Variants in RTN1 observed in about 807,000 individuals in gnomAD.
RTN1 encodes reticulon 1.
A neutral mutation model predicts 65.5 loss-of-function variants in RTN1; 25 were observed. That is an observed-to-expected ratio of 0.38 (90% CI 0.28 to 0.53). The LOEUF (loss-of-function observed/expected upper bound fraction) is 0.53, where lower values mean the gene tolerates loss of function less well. RTN1 is among the 20% of genes least tolerant of loss of function. RTN1 has a pLI of 0.79. For synonymous variants in RTN1, 471 were observed against 447.6 expected (o/e 1.05, Z -0.66); for missense variants, 983 against 1,025.4 (o/e 0.96, Z 0.57).
rs115908183 is a variant in RTN1 at position 59,686,835 on chromosome 14, T to C, written c.1765+40084A>G. On this transcript the variant is annotated intron_variant, in intron 3 of 8. Transcript: ENST00000267484. ...ACGCTGGGAAAAGCTGCAGACATTTTCTGAGGCCTGGAACCAAGAACAGGA... is the reference window on the plus strand; with the variant it reads ...ACGCTGGGAAAAGCTGCAGACATTTCCTGAGGCCTGGAACCAAGAACAGGA... 2.9e-3 allele frequency among the ~76,000 whole-genome samples: 447 copies of C among 152,280 alleles called. 1 individual carries two copies. Among genetic ancestry groups the C allele is most frequent in the African/African-American group, 0.011 (438 of 41,556 alleles).
At position 59,727,160 on chromosome 14, in the gene RTN1, C is replaced by G; in HGVS notation, c.1524G>C (p.Glu508Asp). The change falls in exon 3 of 9, where the codon GAG becomes GAC. Residue 508 changes from glutamate (E) to aspartate (D), a missense_variant. Physicochemically the swap from Glu to Asp is conservative, Grantham distance 45. This residue lies in a region of RTN1 where 818 missense variants were observed against 801.8 expected (regional missense o/e 1.02). Transcript: ENST00000267484. The surrounding 1 kb of genome is among the most constrained non-coding windows in gnomAD (Gnocchi z 4.2). ...IREETGVRAE[E>D]RAPSRRGLAE... is the part of the protein sequence containing the mutation. ...CCAGGCCCCGCCGGCTTGGCGCACGCTCCTCGGCCCGGACGCCAGTCTCCT... is the reference window on the plus strand; with the variant it reads ...CCAGGCCCCGCCGGCTTGGCGCACGGTCCTCGGCCCGGACGCCAGTCTCCT... 6.3e-7 allele frequency: 1 copy of G among 1,594,334 alleles called. No individual in the cohort carries two copies. Among genetic ancestry groups the G allele is most frequent in the Non-Finnish European group, 8.5e-7 (1 of 1,170,396 alleles).
intron 1 of RTN1, among the ~76,000 whole-genome samples, chr14:59,753,319 G>A (rs1160564731): frequency 6.6e-6 from 1 of 152,138 alleles, no homozygotes; most frequent in Non-Finnish European, 1.5e-5. Context: ...AAATTGGAAG[G>A]ACCCCTTTAC....
chr14:59,633,520 T>C (rs1275927290), intron 3 of RTN1, among the ~76,000 whole-genome samples: 1 of 152,240 alleles, frequency 6.6e-6, no homozygotes, highest in Non-Finnish European at 1.5e-5. Flanking sequence ...GCACAACTGC[T>C]CACACAGTAT....
At chr14:59,608,846 C>T (rs1881850100) in intron 3 of RTN1, among the ~76,000 whole-genome samples, 1 of 152,060 alleles carries the variant, frequency 6.6e-6, no homozygotes, top group Non-Finnish European at 1.5e-5. Context: ...GGGGGTGAAA[C>T]AGATCTTTTT....
chr14:59,801,237 T>C (rs542635343), intron 1 of RTN1, among the ~76,000 whole-genome samples: 2 of 152,256 alleles, frequency 1.3e-5, no homozygotes, highest in South Asian at 4.1e-4. Flanking sequence ...AAATCACTGA[T>C]TCAAGAACCC....
In RTN1 at chr14:59,613,929, G is replaced by A. The variant is rs571465024; in HGVS notation, c.1766-6437C>T. Among the ~76,000 whole-genome samples, 5 of 152,202 alleles carry A rather than the reference G, an allele frequency of 3.3e-5. No homozygotes were observed. In the South Asian group the frequency reaches 1.0e-3, roughly 32 times the overall value. On this transcript the variant is annotated intron_variant, in intron 3 of 8. Coordinates refer to ENST00000267484, the MANE Select transcript of RTN1 (RefSeq NM_021136.3). ...TTATCTGATGGTTTTGAGTTTTGGG[G>A]GTATCAGAAATTACTTCGTATTATG... is the stretch of plus-strand genomic sequence containing the variant.
chr14:59,805,677 G>T (rs940414748), intron 1 of RTN1, among the ~76,000 whole-genome samples: 1 of 152,090 alleles, frequency 6.6e-6, no homozygotes, highest in Admixed American at 6.5e-5. Flanking sequence ...TGTCAAAAAA[G>T]TTTCTTTCAT....
At chr14:59,768,323 AC>A (rs933006557) in intron 1 of RTN1, among the ~76,000 whole-genome samples, 1 of 152,230 alleles carries the variant, frequency 6.6e-6, no homozygotes, top group Non-Finnish European at 1.5e-5. Flanking sequence ...CTGGTTATAG[AC>A]TTTTCTTTGG....
chr14:59,640,452 G>T (rs1460915930), intron 3 of RTN1, among the ~76,000 whole-genome samples: 1 of 152,122 alleles, frequency 6.6e-6, no homozygotes, highest in Non-Finnish European at 1.5e-5. Flanking sequence ...GAGTAGCTGG[G>T]ACTACAGGTG....
At chr14:59,707,452 C>T (rs1470728626) in intron 3 of RTN1, among the ~76,000 whole-genome samples, 2 of 152,150 alleles carry the variant, frequency 1.3e-5, no homozygotes, top group African/African-American at 2.4e-5. Context: ...TATTTGTATA[C>T]TATTAGTCTC....
In RTN1 at chr14:59,603,818, G is replaced by A. The variant is rs779887047; in HGVS notation, c.2182+34C>T. The A allele has an allele frequency of 1.1e-5, 17 of 1,561,258 alleles. No individual in the cohort carries two copies. In the East Asian group the frequency reaches 1.4e-4, roughly 12 times the overall value. ...GAAGCAGCGTTTTCACAGAGGGGGTGAAGGAAGACGTATACAGTCTTATCT... is the reference window on the plus strand; with the variant it reads ...GAAGCAGCGTTTTCACAGAGGGGGTAAAGGAAGACGTATACAGTCTTATCT... On this transcript the variant is annotated intron_variant, in intron 6 of 8. Coordinates refer to ENST00000267484, the MANE Select transcript of RTN1 (RefSeq NM_021136.3).
At chr14:59,673,781 C>A (rs1883562857) in intron 3 of RTN1, among the ~76,000 whole-genome samples, 1 of 152,178 alleles carries the variant, frequency 6.6e-6, no homozygotes, top group Non-Finnish European at 1.5e-5. Context: ...TGTTTTTAGG[C>A]TTTAAACTGT....
intron 2 of RTN1, among the ~76,000 whole-genome samples, chr14:59,735,537 A>G (rs1368075043): frequency 1.3e-5 from 2 of 152,236 alleles, no homozygotes; most frequent in Non-Finnish European, 2.9e-5. Flanking sequence ...AAAGGGATGC[A>G]GGAAAATTTA....
intron 2 of RTN1, among the ~76,000 whole-genome samples, chr14:59,744,262 A>G (rs1885171614): frequency 6.6e-6 from 1 of 152,190 alleles, no homozygotes; most frequent in African/African-American, 2.4e-5. Flanking sequence ...GTGCATACCA[A>G]AGCTCTTTGG....
intron 3 of RTN1, 46 bp from the exon 4 acceptor site, chr14:59,607,538 C>T (rs1881800936): frequency 6.6e-7 from 1 of 1,505,628 alleles, no homozygotes; most frequent in African/African-American, 1.4e-5. Context: ...CGCAGTGCCG[C>T]CACATGAGCC....
chr14:59,801,608 A>G (rs1001817783), intron 1 of RTN1, among the ~76,000 whole-genome samples: 3 of 152,226 alleles, frequency 2.0e-5, no homozygotes, highest in Non-Finnish European at 4.4e-5. Flanking sequence ...GAAAAGTTAT[A>G]GACAGTTCTG....
At chr14:59,667,001 C>A (rs563227963) in intron 3 of RTN1, among the ~76,000 whole-genome samples, 2 of 139,350 alleles carry the variant, frequency 1.4e-5, no homozygotes, top group South Asian at 2.3e-4. Flanking sequence ...CAGGACCATA[C>A]GGATTCACAG....
Position 59,750,230 on chromosome 14 carries a change from A to ATATAT in RTN1, c.242-3754_242-3750dup, listed in dbSNP as rs1491102988. 6.7e-4 allele frequency among the ~76,000 whole-genome samples: 21 copies of ATATAT among 31,572 alleles called. 1 individual carries two copies. Among genetic ancestry groups the ATATAT allele is most frequent in the East Asian group, 1.3e-3 (1 of 796 alleles). The allele number at this position is 31,572 out of a possible 152,430, so 20.7% of individuals were successfully genotyped here. A position where few individuals can be genotyped will look rare whatever the true frequency, so the allele number is the denominator to read the frequency against. ...ATATAATATATATATTATATCTATA[A>ATATAT]TATATATATTATATCTATAATATAT... On this transcript the variant is annotated intron_variant, in intron 1 of 8. Coordinates refer to ENST00000267484, the MANE Select transcript of RTN1 (RefSeq NM_021136.3).
chr14:59,814,108 G>A (rs1007986962), intron 1 of RTN1, among the ~76,000 whole-genome samples: 2 of 152,152 alleles, frequency 1.3e-5, no homozygotes, highest in African/African-American at 4.8e-5. Context: ...TTATAGATTT[G>A]CTCTCATGCA....
Sources: gnomAD v4.1 joint callset for allele counts (sites outside exome capture counted in the v4.1 genomes callset) on GRCh38, gnomAD v4.1.1 for gene constraint, gnomAD v4.1.1 regional missense constraint, Gnocchi (gnomAD v3.1) non-coding constraint, MANE v1.5 for transcripts, NCBI Gene and HGNC (gene_info 2026-07-23, HGNC 2026-07-21) for gene names.